Variants in ECI2 observed in about 807,000 individuals in gnomAD.
The protein encoded by ECI2 is enoyl-CoA delta isomerase 2.
ECI2 carries 27 observed loss-of-function variants against 38.4 expected under a neutral mutation model. The ratio of observed to expected loss-of-function variants is 0.70; its 90% confidence interval spans 0.52 to 0.97. ECI2 has a LOEUF of 0.97. ECI2 is among the 50% of genes least tolerant of loss of function. ECI2 has a pLI of 0.00. For missense variants in ECI2, 470 were observed against 474.4 expected (o/e 0.99, Z 0.09); for synonymous variants, 168 against 172.0 (o/e 0.98, Z 0.18).
intron 6 of ECI2, 89 bp from the exon 7 acceptor site, chr6:4,125,459 T>C (rs1426441776): frequency 6.4e-7 from 1 of 1,563,242 alleles, no homozygotes; most frequent in Non-Finnish European, 8.7e-7. Flanking sequence ...AGATAAAGCC[T>C]TCTGTCAGGC....
Position 4,115,794 on chromosome 6 carries a change from G to A in ECI2, c.*80C>T. On this transcript the variant is annotated 3_prime_UTR_variant, in exon 10 of 10. Transcript: ENST00000380118. ...CTAGCACTACAAAAGGCACAATGAA[G>A]CTTATTTAGTTCCAGTACTGGAAAT... 2 of 1,526,670 alleles carry A rather than the reference G, an allele frequency of 1.3e-6. No individual in the cohort carries two copies. Among genetic ancestry groups the A allele is most frequent in the Non-Finnish European group, 1.8e-6 (2 of 1,128,290 alleles). 94.6% of individuals were successfully genotyped at this position (1,526,670 alleles called of 1,614,324 possible). A position where few individuals can be genotyped will look rare whatever the true frequency, so the allele number is the denominator to read the frequency against.
At chr6:4,131,030 C>A in intron 2 of ECI2, 165 bp from the exon 3 acceptor site, 4 of 529,462 alleles carry the variant, frequency 7.6e-6, no homozygotes, top group South Asian at 7.7e-5. Flanking sequence ...GATGTTGTTG[C>A]CAAAAATGCA....
At chr6:4,130,335 G>C (rs1367378476) in intron 4 of ECI2, 37 bp downstream of exon 4, 1 of 1,614,086 alleles carries the variant, frequency 6.2e-7, no homozygotes, top group Non-Finnish European at 8.5e-7. Context: ...GAAGAAGAAA[G>C]TAAAACAGGA....
intron 8 of ECI2, chr6:4,118,238 GC>G (rs761780434): frequency 6.6e-6 from 1 of 152,186 alleles, no homozygotes; most frequent in Non-Finnish European, 1.5e-5. Flanking sequence ...CACTATGTTG[GC>G]CCGGCTGGTC....
At chr6:4,120,254 G>T (rs959270755) in intron 7 of ECI2, among the ~76,000 whole-genome samples, 1 of 152,118 alleles carries the variant, frequency 6.6e-6, no homozygotes, top group African/African-American at 2.4e-5. Context: ...AGGCAATTTT[G>T]TCATTGTGCC....
intron 2 of ECI2, among the ~76,000 whole-genome samples, chr6:4,132,973 A>T (rs1012851721): frequency 1.3e-5 from 2 of 152,200 alleles, no homozygotes; most frequent in Non-Finnish European, 2.9e-5. Flanking sequence ...CATGTTGGCC[A>T]GGCTGGTCTC....
intron 2 of ECI2, among the ~76,000 whole-genome samples, chr6:4,131,727 G>T: frequency 6.6e-6 from 1 of 151,954 alleles, no homozygotes; most frequent in Admixed American, 6.6e-5. Context: ...CATGGTGGCA[G>T]GTTCCTGTAA....
chr6:4,135,450 C>T (rs1773678381), intron 1 of ECI2, 61 bp downstream of exon 1: 1 of 1,609,800 alleles, frequency 6.2e-7, no homozygotes, highest in Admixed American at 1.7e-5. Context: ...CGGCGACCTT[C>T]GCCTGGACAG....
intron 8 of ECI2, 117 bp from the exon 9 acceptor site, chr6:4,117,568 T>G: frequency 1.0e-5 from 14 of 1,398,086 alleles, no homozygotes; most frequent in Middle Eastern, 2.2e-4. Context: ...GTTGCTGGTA[T>G]TTCTCAGTAA....
chr6:4,132,334 G>A (rs1488411127), intron 2 of ECI2, among the ~76,000 whole-genome samples: 2 of 151,930 alleles, frequency 1.3e-5, no homozygotes, highest in Admixed American at 6.6e-5. Context: ...ATCCAGTCTC[G>A]GTGTCCAGAG....
chr6:4,120,125 T>G (rs2113972842), intron 7 of ECI2, among the ~76,000 whole-genome samples: 1 of 152,318 alleles, frequency 6.6e-6, no homozygotes, highest in Admixed American at 6.5e-5. Context: ...ACACTGCCAC[T>G]AGCAACGTAT....
chr6:4,128,322 T>A (rs1162443922), intron 4 of ECI2, among the ~76,000 whole-genome samples: 1 of 151,972 alleles, frequency 6.6e-6, no homozygotes, highest in African/African-American at 2.4e-5. Context: ...GTCTGGGAAG[T>A]GTTAGTGACT....
chr6:4,128,245 G>A (rs886393227), intron 4 of ECI2, among the ~76,000 whole-genome samples: 1 of 151,836 alleles, frequency 6.6e-6, no homozygotes, highest in Non-Finnish European at 1.5e-5. Flanking sequence ...GGGCAGAGTG[G>A]GAGGTGGTCA....
rs528494928 is a variant in ECI2, at chr6:4,120,381, A to G, written c.796-1106T>C. On this transcript the variant is annotated intron_variant, in intron 7 of 9. Coordinates refer to ENST00000380118, the MANE Select transcript of ECI2 (RefSeq NM_206836.3). ...CTTGGACAGCATGTTACTATACTTAATACTCTAGGCAGTTATAACAAATGG... is the reference window on the plus strand; with the variant it reads ...CTTGGACAGCATGTTACTATACTTAGTACTCTAGGCAGTTATAACAAATGG... Among the ~76,000 whole-genome samples the G allele has an allele frequency of 2.0e-5, 3 of 152,330 alleles. No individual in the cohort carries two copies. The South Asian group carries it at 6.2e-4, about 32-fold the overall frequency.
chr6:4,130,541 T>A lies in ECI2; in HGVS notation c.332A>T (p.Tyr111Phe). 6.2e-7 allele frequency: 1 copy of A among 1,614,218 alleles called. No homozygotes were observed. The highest frequency in any genetic ancestry group is 8.5e-7 in the Non-Finnish European group (1 of 1,180,036). The change falls in exon 4 of 10, where the codon TAT (tyrosine) becomes TTT (phenylalanine). Residue 111 changes from tyrosine (Y) to phenylalanine (F), a missense_variant. Tyr to Phe is a conservative substitution (Grantham distance 22, BLOSUM62 3). Coordinates refer to ENST00000380118, the MANE Select transcript of ECI2 (RefSeq NM_206836.3). The stretch of plus-strand genomic sequence containing the variant: ...ACTCAAACTGGACACCAAATCCACA[T>A]AGTTCTGCCTGGCAGCTTCCTGAAC... ...SLPKEAARQN[Y>F]VDLVSSLSPS...
chr6:4,130,886 A>G (rs757678785), intron 2 of ECI2, 21 bp from the exon 3 acceptor site: 50 of 1,608,552 alleles, frequency 3.1e-5, no homozygotes, highest in Non-Finnish European at 3.8e-5. Flanking sequence ...GAGAGGGGCA[A>G]TATGTTCAAA....
chr6:4,121,959 CA>C (rs1438775096), intron 7 of ECI2: 7 of 1,569,030 alleles, frequency 4.5e-6, no homozygotes, highest in South Asian at 1.2e-5. Flanking sequence ...AAAACTTATT[CA>C]AAAAAATGTA....
intron 7 of ECI2, among the ~76,000 whole-genome samples, chr6:4,119,730 T>C (rs1353127135): frequency 6.6e-6 from 1 of 152,190 alleles, no homozygotes; most frequent in Non-Finnish European, 1.5e-5. Flanking sequence ...ATTCACCCTT[T>C]AAAAGTGTAT....
chr6:4,126,618 C>T (rs1006986280), intron 5 of ECI2, among the ~76,000 whole-genome samples: 5 of 152,112 alleles, frequency 3.3e-5, no homozygotes, highest in African/African-American at 1.2e-4. Context: ...ACAGCCTGTG[C>T]AAAGGCTCTT....
Sources: allele counts gnomAD v4.1 joint callset (sites outside exome capture counted in the v4.1 genomes callset), GRCh38; gene constraint gnomAD v4.1.1; transcripts MANE v1.5; gene names NCBI Gene and HGNC (gene_info 2026-07-23, HGNC 2026-07-21).